The following FOXJ3 variants were observed in gnomAD, a reference collection of about 807,000 sequenced individuals.
FOXJ3 encodes forkhead box J3.
A neutral mutation model predicts 76.1 loss-of-function variants in FOXJ3; 22 were observed. The observed-to-expected ratio is 0.29, with a 90% confidence interval of 0.21 to 0.41. FOXJ3 has a LOEUF of 0.41. FOXJ3 is among the 10% of genes least tolerant of loss of function. The pLI, the probability that FOXJ3 is intolerant of heterozygous loss-of-function variation, is 1.00. For synonymous variants in FOXJ3, 269 were observed against 261.2 expected (o/e 1.03, Z -0.29); for missense variants, 613 against 762.1 (o/e 0.80, Z 2.30).
chr1:42,315,435 G>A, intron 1 of FOXJ3: 3 of 984,206 alleles, frequency 3.0e-6, no homozygotes, highest in Non-Finnish European at 2.4e-6. Flanking sequence ...CTCAGGCAAG[G>A]GAAAATGATC....
chr1:42,256,715 A>T (rs185287324), intron 4 of FOXJ3, among the ~76,000 whole-genome samples: 1 of 152,264 alleles, frequency 6.6e-6, no homozygotes, highest in East Asian at 1.9e-4. Flanking sequence ...CCTCTGACCC[A>T]GTAATTCTAT....
chr1:42,234,235 G>C (rs949016448), intron 4 of FOXJ3, among the ~76,000 whole-genome samples: 1 of 152,114 alleles, frequency 6.6e-6, no homozygotes, highest in Non-Finnish European at 1.5e-5. Context: ...CTCATGCCTT[G>C]GTTTTCAGCT....
At chr1:42,264,505 C>T (rs1651319911) in intron 4 of FOXJ3, among the ~76,000 whole-genome samples, 1 of 152,080 alleles carries the variant, frequency 6.6e-6, no homozygotes, top group South Asian at 2.1e-4. Flanking sequence ...AAGTCCTAAT[C>T]TAGTAACTTA....
intron 3 of FOXJ3, among the ~76,000 whole-genome samples, 194 bp from the exon 4 acceptor site, chr1:42,265,383 TG>T (rs1651386752): frequency 6.6e-6 from 1 of 152,210 alleles, no homozygotes; most frequent in African/African-American, 2.4e-5. Context: ...AAGCTGTTAC[TG>T]GAAAATAATT....
rs569032691 is a variant in FOXJ3, at chr1:42,236,225, G to A, written c.445-8259C>T. Among the ~76,000 whole-genome samples the A allele has an allele frequency of 3.3e-5, 5 of 152,228 alleles. No individual in the cohort carries two copies. The East Asian group carries it at 9.7e-4, about 29-fold the overall frequency. On this transcript the variant is annotated intron_variant, in intron 4 of 12. Transcript: ENST00000361346. ...GGGTGTTGAGGCAAGGTCTTGCTTTGGTGCCAACACTGGAACACAGTGGCA... is the reference window on the plus strand; with the variant it reads ...GGGTGTTGAGGCAAGGTCTTGCTTTAGTGCCAACACTGGAACACAGTGGCA...
chr1:42,214,151 T>C (rs1364904161), intron 5 of FOXJ3, among the ~76,000 whole-genome samples: 1 of 152,168 alleles, frequency 6.6e-6, no homozygotes, highest in Non-Finnish European at 1.5e-5. Context: ...GCTTCAACTA[T>C]TACAAAACAG....
At chr1:42,184,194 C>G (rs938946366) in intron 11 of FOXJ3, among the ~76,000 whole-genome samples, 5 of 152,046 alleles carry the variant, frequency 3.3e-5, no homozygotes, top group African/African-American at 1.2e-4. Flanking sequence ...CTCATATACC[C>G]ACAACTTCCC....
intron 4 of FOXJ3, among the ~76,000 whole-genome samples, chr1:42,228,927 C>T (rs1019140439): frequency 2.0e-5 from 3 of 152,116 alleles, no homozygotes; most frequent in Non-Finnish European, 4.4e-5. Flanking sequence ...TCTACTATCT[C>T]ATTAATCTTC....
rs188749958 is a variant in FOXJ3, at chr1:42,315,076, G to A, written c.-17-3966C>T. Among the ~76,000 whole-genome samples the A allele has an allele frequency of 1.2e-4, 19 of 152,252 alleles. No individual in the cohort carries two copies. The East Asian group carries it at 1.3e-3, about 11-fold the overall frequency. The stretch of plus-strand genomic sequence containing the variant: ...TGAAAGCCTCATGCTAAGTGAAAAC[G>A]ACACAAAAGACCACATGCTGTATGA... On this transcript the variant is annotated intron_variant, in intron 1 of 12. Coordinates refer to ENST00000361346, the MANE Select transcript of FOXJ3 (RefSeq NM_014947.5).
chr1:42,264,573 TAGGACCAAGTTCAGG>T (rs1651324737), intron 4 of FOXJ3, among the ~76,000 whole-genome samples: 1 of 151,874 alleles, frequency 6.6e-6, no homozygotes, highest in Admixed American at 6.6e-5. Context: ...ACCAAGCAAC[TAGGACCAAGTTCAGG>T]TCACACTATA....
intron 11 of FOXJ3, among the ~76,000 whole-genome samples, chr1:42,186,382 G>A (rs1397736962): frequency 6.6e-6 from 1 of 152,074 alleles, no homozygotes; most frequent in African/African-American, 2.4e-5. Flanking sequence ...AATACAAAAG[G>A]GGAGTGAGAG....
chr1:42,299,367 CTTT>C (rs34855114), intron 2 of FOXJ3, among the ~76,000 whole-genome samples: 1 of 144,846 alleles, frequency 6.9e-6, no homozygotes. Flanking sequence ...TAATGCTCAT[CTTT>C]TTTTTTTTTT....
chr1:42,200,669 G>A (rs1054003282), intron 6 of FOXJ3, among the ~76,000 whole-genome samples: 10 of 151,964 alleles, frequency 6.6e-5, no homozygotes, highest in South Asian at 2.1e-4. Flanking sequence ...TAGTAGAGAC[G>A]GGGTTTCACT....
intron 2 of FOXJ3, among the ~76,000 whole-genome samples, chr1:42,281,622 T>C (rs372382864): frequency 6.6e-6 from 1 of 152,192 alleles, no homozygotes; most frequent in South Asian, 2.1e-4. Flanking sequence ...TTTCTTAAAT[T>C]TTATATACAG....
intron 2 of FOXJ3, among the ~76,000 whole-genome samples, chr1:42,290,584 C>T (rs1653353792): frequency 6.6e-6 from 1 of 152,118 alleles, no homozygotes; most frequent in South Asian, 2.1e-4. Flanking sequence ...TCTTATTCTT[C>T]TTTATTCTAT....
intron 3 of FOXJ3, among the ~76,000 whole-genome samples, chr1:42,274,839 A>C (rs1211464545): frequency 2.0e-5 from 3 of 152,044 alleles, no homozygotes; most frequent in African/African-American, 7.2e-5. Context: ...GAGAAATAAT[A>C]CATGAGCTGA....
At chr1:42,300,257 G>A (rs887251259) in intron 2 of FOXJ3, among the ~76,000 whole-genome samples, 28 of 152,142 alleles carry the variant, frequency 1.8e-4, no homozygotes, top group Admixed American at 1.8e-3. Context: ...TCACAGTATT[G>A]TTAGCTGCCT....
intron 3 of FOXJ3, among the ~76,000 whole-genome samples, chr1:42,273,113 G>C (rs147652472): frequency 6.6e-6 from 1 of 151,994 alleles, no homozygotes; most frequent in Admixed American, 6.6e-5. Flanking sequence ...TTTTTACTAC[G>C]TCACATACAC....
intron 11 of FOXJ3, among the ~76,000 whole-genome samples, chr1:42,183,603 C>T (rs1390293875): frequency 6.6e-6 from 1 of 152,028 alleles, no homozygotes; most frequent in Non-Finnish European, 1.5e-5. Context: ...GGAAAGGCTA[C>T]TTCCCTAAGT....
Sources: gnomAD v4.1 joint callset for allele counts (sites outside exome capture counted in the v4.1 genomes callset) on GRCh38, gnomAD v4.1.1 for gene constraint, MANE v1.5 for transcripts, NCBI Gene and HGNC (gene_info 2026-07-23, HGNC 2026-07-21) for gene names.